Variants in NUP214 observed in about 807,000 individuals in gnomAD.
NUP214 encodes the protein nuclear pore complex protein Nup214.
NUP214 carries 79 observed loss-of-function variants against 196.2 expected under a neutral mutation model. The observed-to-expected ratio is 0.40, with a 90% confidence interval of 0.34 to 0.49. The LOEUF is 0.49. NUP214 is among the 20% of genes least tolerant of loss of function. NUP214 has a pLI of 0.58. For synonymous variants in NUP214, 1,020 were observed against 990.5 expected (o/e 1.03, Z -0.56); for missense variants, 2,468 against 2,539.0 (o/e 0.97, Z 0.60).
In NUP214 at chr9:131,129,405, A is replaced by G; in HGVS notation, c.520A>G (p.Ile174Val). The part of the protein sequence containing the change: ...MVAVCLADGS[I>V]AVLQVTETVK... ...GGCAGTTTGTCTGGCTGATGGTAGT[A>G]TTGCTGTCCTGCAAGTCACGGAAAC... The change falls in exon 4 of 36, where the codon ATT becomes GTT. Residue 174 changes from isoleucine (I) to valine (V), a missense_variant. Ile to Val is a conservative substitution (Grantham distance 29, BLOSUM62 3). Coordinates refer to ENST00000359428, the MANE Select transcript of NUP214 (RefSeq NM_005085.4). The G allele has an allele frequency of 6.2e-7, 1 of 1,614,214 alleles. No individual in the cohort carries two copies. Among genetic ancestry groups the G allele is most frequent in the South Asian group, 1.1e-5 (1 of 91,086 alleles).
intron 33 of NUP214, chr9:131,229,253 C>T (rs201566304): frequency 1.2e-5 from 2 of 160,020 alleles, no homozygotes; most frequent in South Asian, 1.6e-4. Flanking sequence ...GATGCTGGAG[C>T]GCAGCAGCAG....
intron 21 of NUP214, among the ~76,000 whole-genome samples, chr9:131,173,570 A>G (rs902102893): frequency 2.6e-5 from 4 of 151,686 alleles, no homozygotes; most frequent in Non-Finnish European, 5.9e-5. Context: ...TGTCTGAATC[A>G]GAAGAATCAT....
chr9:131,223,743 T>A (rs370552895), intron 32 of NUP214, among the ~76,000 whole-genome samples: 4 of 40,760 alleles, frequency 9.8e-5, no homozygotes, highest in African/African-American at 2.6e-4. Flanking sequence ...TTTTTTTTTT[T>A]TTTTTTTTTG....
chr9:131,205,029 A>G (rs1174709676), intron 30 of NUP214, among the ~76,000 whole-genome samples: 1 of 152,238 alleles, frequency 6.6e-6, no homozygotes, highest in African/African-American at 2.4e-5. Context: ...ATGAAGAGAA[A>G]TCAAGACTTT....
chr9:131,174,593 C>T (rs528792976), intron 22 of NUP214, among the ~76,000 whole-genome samples: 2 of 151,796 alleles, frequency 1.3e-5, no homozygotes, highest in East Asian at 3.9e-4. Context: ...GGATTACAGG[C>T]GTGCACCACC....
At chr9:131,208,907 G>A (rs1215332152) in intron 30 of NUP214, among the ~76,000 whole-genome samples, 3 of 150,852 alleles carry the variant, frequency 2.0e-5, no homozygotes, top group African/African-American at 7.3e-5. Context: ...CAGCTACTTG[G>A]GAGGCTGAGG....
chr9:131,200,362 G>A (rs1833906527), intron 29 of NUP214, among the ~76,000 whole-genome samples: 1 of 152,170 alleles, frequency 6.6e-6, no homozygotes, highest in African/African-American at 2.4e-5. Flanking sequence ...AATCACTTGA[G>A]GTCAGGAGTT....
intron 5 of NUP214, among the ~76,000 whole-genome samples, 163 bp from the exon 6 acceptor site, chr9:131,132,433 G>T (rs1323010640): frequency 6.6e-6 from 1 of 152,114 alleles, no homozygotes; most frequent in Non-Finnish European, 1.5e-5. Context: ...GGTTTCTGTA[G>T]GATGAAGTCC....
intron 4 of NUP214, 123 bp downstream of exon 4, chr9:131,129,600 T>G: frequency 1.1e-6 from 1 of 914,300 alleles, no homozygotes; most frequent in Non-Finnish European, 1.7e-6. Flanking sequence ...ACGAGGGAGG[T>G]TAAGGATGGA....
intron 26 of NUP214, chr9:131,190,214 A>G: frequency 2.3e-6 from 1 of 429,490 alleles, no homozygotes; most frequent in Non-Finnish European, 4.1e-6. Context: ...CTTTATGTTA[A>G]AAGGAAAATT....
At chr9:131,222,310 G>A (rs144171722) in intron 31 of NUP214, among the ~76,000 whole-genome samples, 2 of 152,342 alleles carry the variant, frequency 1.3e-5, no homozygotes, top group African/African-American at 4.8e-5. Flanking sequence ...CATTTTGCCT[G>A]GGTTGGATTT....
chr9:131,176,042 G>A (rs955324238), intron 23 of NUP214, among the ~76,000 whole-genome samples: 7 of 152,096 alleles, frequency 4.6e-5, no homozygotes, highest in Admixed American at 2.6e-4. Context: ...TTTTGGCTGG[G>A]CATAGTGACT....
At chr9:131,229,695 AG>A (rs1209123737) in intron 33 of NUP214, 2 of 518,382 alleles carry the variant, frequency 3.9e-6, no homozygotes, top group Admixed American at 3.9e-5. Flanking sequence ...CCGACCCTGA[AG>A]GGCAGGCTGT....
At chr9:131,184,491 AC>A in intron 24 of NUP214, among the ~76,000 whole-genome samples, 1 of 150,728 alleles carries the variant, frequency 6.6e-6, no homozygotes, top group East Asian at 2.0e-4. Context: ...CTGCCACCAC[AC>A]CTGGCTAATT....
At position 131,221,064 on chromosome 9, in the gene NUP214, A is replaced by T. The variant is rs535507570; in HGVS notation, c.5750-1714A>T. Among the ~76,000 whole-genome samples, 14 of 152,324 alleles carry T rather than the reference A, an allele frequency of 9.2e-5. No individual in the cohort carries two copies. The South Asian group carries it at 2.7e-3, about 29-fold the overall frequency. On this transcript the variant is annotated intron_variant, in intron 31 of 35. Transcript: ENST00000359428. ...AAATCTGTTCTTGAAATACCAAGTAAACGGAATGGCTGAGAAGCCTGTTTT... is the reference window on the plus strand; with the variant it reads ...AAATCTGTTCTTGAAATACCAAGTATACGGAATGGCTGAGAAGCCTGTTTT...
intron 27 of NUP214, 30 bp from the exon 28 acceptor site, chr9:131,195,203 C>G: frequency 6.4e-7 from 1 of 1,559,090 alleles, no homozygotes; most frequent in African/African-American, 1.4e-5. Flanking sequence ...TGGTTTGTTC[C>G]TTTTTAATTT....
At position 131,198,136 on chromosome 9, in the gene NUP214, G is replaced by C. The variant is rs879055888; in HGVS notation, c.4642G>C (p.Val1548Leu). The C allele has an allele frequency of 5.6e-6, 9 of 1,614,114 alleles. No homozygotes were observed. Among genetic ancestry groups the C allele is most frequent in the South Asian group, 2.2e-5 (2 of 91,090 alleles). The change falls in exon 29 of 36, where the codon GTC (valine) becomes CTC (leucine). Residue 1548 changes from valine (V) to leucine (L), a missense_variant. Val to Leu is a conservative substitution (Grantham distance 32). Around this residue, in one of 5 missense-constraint regions of NUP214, gnomAD observed 1,801 missense variants for 1,779.4 expected, o/e 1.01. Coordinates refer to ENST00000359428, the MANE Select transcript of NUP214 (RefSeq NM_005085.4). ...AGAACCTGTTCTTGCCCAGCCTGCA[G>C]TCAGCAACTCTGGCACTGCAGCATC... is the stretch of plus-strand genomic sequence containing the variant. ...KKEPVLAQPA[V>L]SNSGTAASST...
rs1833857818 is a variant in NUP214, at chr9:131,198,544, A to C, written c.5050A>C (p.Ser1684Arg). Residue 1684 changes from serine (S) to arginine (R), a missense_variant, in exon 29 of 36, where the codon AGT (serine) becomes CGT (arginine). Ser to Arg is a moderately radical substitution (Grantham distance 110). Around this residue, in one of 5 missense-constraint regions of NUP214, gnomAD observed 1,801 missense variants for 1,779.4 expected, o/e 1.01. Transcript: ENST00000359428. The part of the protein sequence containing the change: ...FGQVAASTAP[S>R]LFGQQTGSTA... ...GCAAGTGGCAGCCAGCACCGCACCA[A>C]GTCTGTTTGGGCAGCAGACTGGTAG... 3 of 1,614,202 alleles carry C rather than the reference A, an allele frequency of 1.9e-6. No homozygotes were observed. The East Asian group carries it at 6.7e-5, about 36-fold the overall frequency.
chr9:131,136,062 A>G, intron 9 of NUP214, 56 bp downstream of exon 9: 1 of 1,398,810 alleles, frequency 7.1e-7, no homozygotes, highest in Non-Finnish European at 1.0e-6. Flanking sequence ...TATTATTTTG[A>G]GACAGTCTCG....
Sources: allele counts gnomAD v4.1 joint callset (sites outside exome capture counted in the v4.1 genomes callset), GRCh38; gene constraint gnomAD v4.1.1; regional missense constraint gnomAD v4.1.1; transcripts MANE v1.5; gene names NCBI Gene and HGNC (gene_info 2026-07-23, HGNC 2026-07-21).